The following SLC43A3 variants were observed in gnomAD, a reference collection of about 807,000 sequenced individuals.
The protein encoded by SLC43A3 is solute carrier family 43 member 3.
In SLC43A3, 33 loss-of-function variants were observed where a neutral mutation model predicts 53.3. The ratio of observed to expected loss-of-function variants is 0.62; its 90% CI spans 0.47 to 0.83. The LOEUF is 0.83. Ranked by LOEUF, SLC43A3 falls within the 40% of genes least tolerant of loss-of-function variation. The pLI is 0.00. For missense variants in SLC43A3, 530 were observed against 610.0 expected (o/e 0.87, Z 1.38); for synonymous variants, 236 against 246.2 (o/e 0.96, Z 0.39).
rs397849571 is a variant in SLC43A3, at chr11:57,414,506, C to CAA, written c.1060+107_1060+108dup. 1,916 of 287,096 alleles carry CAA rather than the reference C, an allele frequency of 6.7e-3. 2 individuals carry two copies. The highest frequency in any genetic ancestry group is 8.2e-3 in the South Asian group (349 of 42,708). 17.8% of individuals were successfully genotyped at this position (287,096 alleles called of 1,614,324 possible). ...TGGGCAACAGAGTAAGACTCTATCACAAAAAAAAAAAAAAAAAAAAAAAAA... is the reference window on the plus strand; with the variant it reads ...TGGGCAACAGAGTAAGACTCTATCACAAAAAAAAAAAAAAAAAAAAAAAAAAA... On this transcript the variant is annotated intron_variant, in intron 11 of 13. Coordinates refer to ENST00000395124, the MANE Select transcript of SLC43A3 (RefSeq NM_199329.3).
At chr11:57,418,557 G>A (rs974377378) in intron 7 of SLC43A3, among the ~76,000 whole-genome samples, 3 of 152,044 alleles carry the variant, frequency 2.0e-5, no homozygotes, top group Non-Finnish European at 4.4e-5. Context: ...TCAGCTGGGC[G>A]TGATGGTGCA....
chr11:57,409,029 T>C, intron 13 of SLC43A3, 146 bp downstream of exon 13: 2 of 804,706 alleles, frequency 2.5e-6, no homozygotes, highest in South Asian at 1.6e-5. Flanking sequence ...CACACACAAA[T>C]ACTTTTGCCC....
At chr11:57,416,027 T>A (rs1028618078) in intron 9 of SLC43A3, among the ~76,000 whole-genome samples, 1 of 152,226 alleles carries the variant, frequency 6.6e-6, no homozygotes, top group Non-Finnish European at 1.5e-5. Flanking sequence ...GTCTTCGTGC[T>A]GTGCATTAGA....
chr11:57,413,991 C>T (rs898457004), intron 11 of SLC43A3, among the ~76,000 whole-genome samples: 14 of 152,308 alleles, frequency 9.2e-5, no homozygotes, highest in East Asian at 5.8e-4. Flanking sequence ...AGATTATGTG[C>T]GCTTCTTTGT....
intron 3 of SLC43A3, 140 bp from the exon 4 acceptor site, chr11:57,425,810 T>G: frequency 1.4e-6 from 2 of 1,436,664 alleles, no homozygotes; most frequent in South Asian, 1.3e-5. Flanking sequence ...TGCCCCTAAT[T>G]ACCCCTCAGG....
chr11:57,408,038 C>T (rs898269643), intron 13 of SLC43A3, 142 bp from the exon 14 acceptor site: 3 of 606,890 alleles, frequency 4.9e-6, no homozygotes, highest in African/African-American at 1.8e-5. Flanking sequence ...TTCACCCAGA[C>T]ACTATGGTGC....
At position 57,417,771 on chromosome 11, in the gene SLC43A3, T is replaced by C. The variant is rs200027779; in HGVS notation, c.648A>G (p.Pro216=). The part of the protein sequence containing the change: ...LLMPRGHIPY[P]LPPNYSYGLC... ...ACCCATAGCTGTAGTTGGGGGGCAGTGGGTATGGGATGTGCCCCCGGGGCA... is the reference window on the plus strand; with the variant it reads ...ACCCATAGCTGTAGTTGGGGGGCAGCGGGTATGGGATGTGCCCCCGGGGCA... The change falls in exon 8 of 14, where the codon CCA becomes CCG. Residue 216 remains proline (P), a synonymous_variant. Coordinates refer to ENST00000395124, the MANE Select transcript of SLC43A3 (RefSeq NM_199329.3). The C allele has an allele frequency of 1.4e-4, 223 of 1,614,016 alleles. 2 individuals are homozygous for C. In the South Asian group the frequency reaches 1.9e-3, roughly 14 times the overall value.
At chr11:57,417,930 A>G (rs1426565783) in intron 7 of SLC43A3, 43 bp from the exon 8 acceptor site, 1 of 1,596,046 alleles carries the variant, frequency 6.3e-7, no homozygotes, top group South Asian at 1.1e-5. Flanking sequence ...ACCCACGTTC[A>G]TAGCAGCACT....
chr11:57,415,216 C>A, intron 9 of SLC43A3, 110 bp from the exon 10 acceptor site: 2 of 1,552,348 alleles, frequency 1.3e-6, no homozygotes, highest in South Asian at 1.2e-5. Context: ...ACCTTCTACC[C>A]TTGGCTCCCA....
Position 57,426,006 on chromosome 11 carries a change from T to A in SLC43A3, c.167A>T (p.Asn56Ile). 1 of 1,614,214 alleles carries A rather than the reference T, an allele frequency of 6.2e-7. No homozygotes were observed. The highest frequency in any genetic ancestry group is 8.5e-7 in the Non-Finnish European group (1 of 1,179,992). ...GCCCTTACCAGCCTGCCCTGTGGCA[T>A]TGCCAATCGGCCCAGCATCTGGTCC... ...LCGPDAGPIG[N>I]ATGQADCKAQ... Residue 56 changes from asparagine (N) to isoleucine (I), a missense_variant, in exon 3 of 14, where the codon AAT becomes ATT. Asn to Ile is a moderately radical substitution (Grantham distance 149). This residue lies in a region of SLC43A3 where 376 missense variants were observed against 386.7 expected (regional missense o/e 0.97). Transcript: ENST00000395124.
intron 6 of SLC43A3, 60 bp from the exon 7 acceptor site, chr11:57,421,124 G>T: frequency 7.3e-7 from 1 of 1,371,968 alleles, no homozygotes; most frequent in Non-Finnish European, 1.0e-6. Flanking sequence ...TACTTCCTGA[G>T]CACCCAGCAT....
chr11:57,425,921 CT>C, intron 3 of SLC43A3, 67 bp downstream of exon 3: 1 of 1,507,932 alleles, frequency 6.6e-7, no homozygotes. Flanking sequence ...GGGCAGAGTC[CT>C]TCCTGCTCCT....
chr11:57,425,752 C>T (rs748544311), intron 3 of SLC43A3, 82 bp from the exon 4 acceptor site: 1 of 1,582,472 alleles, frequency 6.3e-7, no homozygotes, highest in East Asian at 2.3e-5. Flanking sequence ...CCACCTCAGA[C>T]AGCTTGTCGG....
rs1942789294 is a variant in SLC43A3 at position 57,417,782 on chromosome 11, T to C, written c.637A>G (p.Ile213Val). 2 of 1,614,130 alleles carry C rather than the reference T, an allele frequency of 1.2e-6. No homozygotes were observed. Among genetic ancestry groups the C allele is most frequent in the South Asian group, 1.1e-5 (1 of 91,078 alleles). Reference protein sequence around the residue: ...RTFLLMPRGHIPYPLPPNYSY... With the variant: ...RTFLLMPRGHVPYPLPPNYSY... ...TAGTTGGGGGGCAGTGGGTATGGGA[T>C]GTGCCCCCGGGGCATCAGGAGGAAA... The change falls in exon 8 of 14, where the codon ATC becomes GTC. Residue 213 changes from isoleucine (I) to valine (V), a missense_variant. Around this residue, in one of 3 missense-constraint regions of SLC43A3, gnomAD observed 376 missense variants for 386.7 expected, o/e 0.97. Transcript: ENST00000395124.
chr11:57,418,217 G>T (rs6591425), intron 7 of SLC43A3, among the ~76,000 whole-genome samples: 2 of 152,004 alleles, frequency 1.3e-5, no homozygotes, highest in African/African-American at 4.8e-5. Flanking sequence ...CACCTGTAGT[G>T]CCAGCTACTC....
At chr11:57,415,436 G>A (rs1194108350) in intron 9 of SLC43A3, 1 of 1,327,518 alleles carries the variant, frequency 7.5e-7, no homozygotes, top group African/African-American at 1.5e-5. Context: ...GACAAGGAGA[G>A]GAGAAAGTCA....
chr11:57,425,993 C>G lies in SLC43A3; in HGVS notation c.180G>C (p.Gln60His). The G allele has an allele frequency of 6.2e-7, 1 of 1,613,852 alleles. No individual in the cohort carries two copies. Among genetic ancestry groups the G allele is most frequent in the Non-Finnish European group, 8.5e-7 (1 of 1,179,694 alleles). The change falls in exon 3 of 14, where the codon CAG (glutamine) becomes CAC (histidine). Residue 60 changes from glutamine (Q) to histidine (H), a missense_variant. Around this residue, in one of 3 missense-constraint regions of SLC43A3, gnomAD observed 376 missense variants for 386.7 expected, o/e 0.97. Transcript: ENST00000395124. Reference protein sequence around the residue: ...DAGPIGNATGQADCKAQDERF... With the variant: ...DAGPIGNATGHADCKAQDERF... ...AAAAGTCATCCCTGCCCTTACCAGC[C>G]TGCCCTGTGGCATTGCCAATCGGCC... is the stretch of plus-strand genomic sequence containing the variant.
At chr11:57,410,610 C>T (rs1020781653) in intron 11 of SLC43A3, among the ~76,000 whole-genome samples, 1 of 151,430 alleles carries the variant, frequency 6.6e-6, no homozygotes, top group Non-Finnish European at 1.5e-5. Flanking sequence ...TGCTACAGAG[C>T]ACCCTCAGGA....
Position 57,426,161 on chromosome 11 carries a change from C to A in SLC43A3, c.12G>T (p.Gln4His). The change falls in exon 3 of 14, where the codon CAG becomes CAT. Residue 4 changes from glutamine (Q) to histidine (H), a missense_variant. Physicochemically the swap from Gln to His is conservative, Grantham distance 24. Around this residue, in one of 3 missense-constraint regions of SLC43A3, gnomAD observed 30 missense variants for 57.0 expected, o/e 0.53. Coordinates refer to ENST00000395124, the MANE Select transcript of SLC43A3 (RefSeq NM_199329.3). MAG[Q>H]GLPLHVATLL... is the part of the protein sequence containing the mutation. ...GTGTGGCCACGTGCAGGGGCAGGCC[C>A]TGGCCCGCCATGAGCAGAAGTGGAG... is the stretch of plus-strand genomic sequence containing the variant. 6.2e-7 allele frequency: 1 copy of A among 1,613,774 alleles called. No homozygotes were observed. Among genetic ancestry groups the A allele is most frequent in the Non-Finnish European group, 8.5e-7 (1 of 1,179,786 alleles).
Sources: gnomAD v4.1 joint callset for allele counts (sites outside exome capture counted in the v4.1 genomes callset) on GRCh38, gnomAD v4.1.1 for gene constraint, gnomAD v4.1.1 regional missense constraint, MANE v1.5 for transcripts, NCBI Gene and HGNC (gene_info 2026-07-23, HGNC 2026-07-21) for gene names.